The following RPS6KA3 variants were observed in gnomAD, a reference collection of about 807,000 sequenced individuals.
RPS6KA3 encodes ribosomal protein S6 kinase alpha-3.
A neutral mutation model predicts 67.2 loss-of-function variants in RPS6KA3; 4 were observed. The observed-to-expected ratio is 0.06, with a 90% CI of 0.03 to 0.14. RPS6KA3 has a LOEUF of 0.14. Ranked by LOEUF, RPS6KA3 falls within the 10% of genes least tolerant of loss-of-function variation. The probability of loss-of-function intolerance (pLI) is 1.00; values close to 1 mark genes in which losing one functional copy is unlikely to be tolerated. For missense variants in RPS6KA3, 204 were observed against 559.0 expected (o/e 0.36, Z 6.40); for synonymous variants, 182 against 183.7 (o/e 0.99, Z 0.07).
At chrX:20,264,390 C>T (rs1349677990) in intron 1 of RPS6KA3, among the ~76,000 whole-genome samples, 2 of 112,169 alleles carry the variant, frequency 1.8e-5, no homozygotes, top group African/African-American at 6.5e-5. Context: ...TAACTACTGG[C>T]TTATTTATAC....
chrX:20,166,761 A>G (rs1312741753), intron 17 of RPS6KA3, among the ~76,000 whole-genome samples: 2 of 81,925 alleles, frequency 2.4e-5, no homozygotes, highest in Non-Finnish European at 4.3e-5. Context: ...TCTGTTGCCC[A>G]GGCTGGAGTG....
At chrX:20,161,322 G>A (rs915192589) in intron 20 of RPS6KA3, among the ~76,000 whole-genome samples, 2 of 111,553 alleles carry the variant, frequency 1.8e-5, no homozygotes, top group African/African-American at 6.5e-5. Flanking sequence ...TTCACAGGGT[G>A]TTATGAGGAT....
intron 2 of RPS6KA3, among the ~76,000 whole-genome samples, chrX:20,231,713 T>C (rs1181563211): frequency 8.9e-6 from 1 of 111,754 alleles, no homozygotes; most frequent in Non-Finnish European, 1.9e-5. Context: ...GAAGTCATAT[T>C]GGAGTGGGAT....
intron 5 of RPS6KA3, among the ~76,000 whole-genome samples, chrX:20,194,494 A>C (rs1603426330): frequency 8.9e-6 from 1 of 111,865 alleles, no homozygotes; most frequent in South Asian, 3.7e-4. Flanking sequence ...TCACTCAGGA[A>C]TACAATAGTT....
At chrX:20,193,986 G>T (rs1473141292) in intron 6 of RPS6KA3, among the ~76,000 whole-genome samples, 1 of 112,328 alleles carries the variant, frequency 8.9e-6, no homozygotes, top group Admixed American at 9.4e-5. Context: ...GCAGGGTTAA[G>T]ACAAAGACTG....
At chrX:20,235,111 T>C in intron 1 of RPS6KA3, among the ~76,000 whole-genome samples, 1 of 111,530 alleles carries the variant, frequency 9.0e-6, no homozygotes, top group Non-Finnish European at 1.9e-5. Flanking sequence ...ATGGTCTCAT[T>C]TAAGCCTCAC....
chrX:20,200,701 T>A (rs955342280), intron 4 of RPS6KA3, among the ~76,000 whole-genome samples: 12 of 111,109 alleles, frequency 1.1e-4, no homozygotes, highest in Non-Finnish European at 1.9e-4. Flanking sequence ...TTAAAAAAAA[T>A]TTTTTTTAGG....
intron 2 of RPS6KA3, among the ~76,000 whole-genome samples, chrX:20,211,867 T>C (rs149456324): frequency 1.8e-5 from 2 of 112,389 alleles, no homozygotes; most frequent in Non-Finnish European, 3.8e-5. Context: ...CATGAGGTCA[T>C]GAAGAACTCT....
chrX:20,156,089 G>T lies in RPS6KA3; in HGVS notation c.2100+20C>A, dbSNP rs1569185213. The T allele has an allele frequency of 8.3e-7, 1 of 1,208,976 alleles. No homozygotes were observed. Among genetic ancestry groups the T allele is most frequent in the African/African-American group, 1.7e-5 (1 of 57,545 alleles). On this transcript the variant is annotated intron_variant, in intron 21 of 21. Coordinates refer to ENST00000379565, the MANE Select transcript of RPS6KA3 (RefSeq NM_004586.3). ...TCCTGGAGGACCTGTGGAAAACAGTGACTGTATGGGGCTGCTCACCTTTAC... is the reference window on the plus strand; with the variant it reads ...TCCTGGAGGACCTGTGGAAAACAGTTACTGTATGGGGCTGCTCACCTTTAC...
intron 1 of RPS6KA3, among the ~76,000 whole-genome samples, chrX:20,242,630 C>T (rs770126555): frequency 1.8e-5 from 2 of 111,517 alleles, no homozygotes; most frequent in African/African-American, 3.3e-5. Context: ...AATAATATGA[C>T]GGAAACCATT....
At chrX:20,232,498 G>C (rs750951260) in intron 2 of RPS6KA3, among the ~76,000 whole-genome samples, 27 of 111,228 alleles carry the variant, frequency 2.4e-4, no homozygotes, top group Non-Finnish European at 4.5e-4. Flanking sequence ...CTTGAACCCG[G>C]GAGGCAGAGG....
In RPS6KA3 at chrX:20,224,409, A is replaced by G. The variant is rs1474954080; in HGVS notation, c.126+10349T>C. ...CTGGCAAAACCCCAACCATGATAAA[A>G]CCCAATTATTAACCATCCTCATGAC... On this transcript the variant is annotated intron_variant, in intron 2 of 21. Transcript: ENST00000379565. Among the ~76,000 whole-genome samples, 8 of 110,755 alleles carry G rather than the reference A, an allele frequency of 7.2e-5. No individual in the cohort carries two copies. In the Admixed American group the frequency reaches 7.7e-4, roughly 11 times the overall value.
At chrX:20,228,330 C>T (rs6653647) in intron 2 of RPS6KA3, among the ~76,000 whole-genome samples, 50 of 111,827 alleles carry the variant, frequency 4.5e-4, no homozygotes, top group African/African-American at 1.6e-3. Flanking sequence ...AACTAGCCAA[C>T]CAGGCAGCTT....
chrX:20,222,496 A>G (rs957333125), intron 2 of RPS6KA3, among the ~76,000 whole-genome samples: 1 of 111,612 alleles, frequency 9.0e-6, no homozygotes, highest in Non-Finnish European at 1.9e-5. Flanking sequence ...TACTAATTTT[A>G]TCTCAAAAAT....
chrX:20,229,016 T>C (rs1437509382), intron 2 of RPS6KA3, among the ~76,000 whole-genome samples: 1 of 111,846 alleles, frequency 8.9e-6, no homozygotes, highest in Non-Finnish European at 1.9e-5. Flanking sequence ...AGACATTCAT[T>C]AACTACTTTG....
At chrX:20,246,203 T>C (rs567710434) in intron 1 of RPS6KA3, among the ~76,000 whole-genome samples, 1 of 109,353 alleles carries the variant, frequency 9.1e-6, no homozygotes. Context: ...TTTCAAAGCC[T>C]GGCTTTGTTC....
At chrX:20,201,541 T>C (rs2068433135) in intron 4 of RPS6KA3, among the ~76,000 whole-genome samples, 1 of 111,903 alleles carries the variant, frequency 8.9e-6, no homozygotes, top group Admixed American at 9.5e-5. Context: ...ATCCTCCAGA[T>C]GGAGGATATA....
intron 1 of RPS6KA3, among the ~76,000 whole-genome samples, chrX:20,263,807 T>C (rs1434157798): frequency 9.0e-6 from 1 of 111,730 alleles, no homozygotes; most frequent in Non-Finnish European, 1.9e-5. Flanking sequence ...TTGTGCTGAA[T>C]GCTGAGGATT....
At chrX:20,165,088 T>C (rs2067399807) in intron 17 of RPS6KA3, 28 bp from the exon 18 acceptor site, 1 of 1,100,636 alleles carries the variant, frequency 9.1e-7, no homozygotes, top group Non-Finnish European at 1.3e-6. Context: ...TAAAGAGTTA[T>C]GTTAACAATA....
Sources: gnomAD v4.1 joint callset for allele counts (sites outside exome capture counted in the v4.1 genomes callset) on GRCh38, gnomAD v4.1.1 for gene constraint, MANE v1.5 for transcripts, NCBI Gene and HGNC (gene_info 2026-07-23, HGNC 2026-07-21) for gene names.